STIP1: variants seen among roughly 807,000 people sequenced by gnomAD.
STIP1 encodes the protein stress induced phosphoprotein 1.
A neutral mutation model predicts 77.4 loss-of-function variants in STIP1; 16 were observed. The ratio of observed to expected loss-of-function variants is 0.21; its 90% confidence interval spans 0.14 to 0.31. The LOEUF is 0.31. Among genes scored for constraint, STIP1 ranks in the 10% least tolerant of loss-of-function variants. STIP1 has a pLI of 1.00. For missense variants in STIP1, 524 were observed against 684.8 expected (o/e 0.77, Z 2.62); for synonymous variants, 258 against 246.6 (o/e 1.05, Z -0.44).
intron 1 of STIP1, chr11:64,186,521 G>A (rs1031589763): frequency 9.2e-6 from 3 of 324,958 alleles, no homozygotes; most frequent in Non-Finnish European, 5.4e-6. Flanking sequence ...CCACAGCTTG[G>A]GTGAGTCCGG....
chr11:64,197,204 G>C, intron 5 of STIP1, 67 bp from the exon 6 acceptor site: 1 of 1,597,650 alleles, frequency 6.3e-7, no homozygotes, highest in Non-Finnish European at 8.5e-7. Flanking sequence ...ACTTGTGACA[G>C]ATCATAGATT....
At chr11:64,190,319 A>G (rs1424977217) in intron 1 of STIP1, among the ~76,000 whole-genome samples, 3 of 152,122 alleles carry the variant, frequency 2.0e-5, no homozygotes, top group African/African-American at 4.8e-5. Context: ...GATTACAGGC[A>G]TGCACCACCA....
At chr11:64,195,303 G>A (rs1358373979) in intron 4 of STIP1, among the ~76,000 whole-genome samples, 3 of 151,882 alleles carry the variant, frequency 2.0e-5, no homozygotes, top group South Asian at 2.1e-4. Context: ...TAGTAGTAGC[G>A]GTGGGTTTCA....
intron 1 of STIP1, 62 bp from the exon 2 acceptor site, chr11:64,193,016 T>A: frequency 6.7e-7 from 1 of 1,501,216 alleles, no homozygotes; most frequent in South Asian, 1.2e-5. Context: ...ATGAGTGTTG[T>A]CTTTAAAGCT....
chr11:64,201,565 C>G (rs2134809049), intron 10 of STIP1, among the ~76,000 whole-genome samples: 1 of 152,228 alleles, frequency 6.6e-6, no homozygotes, highest in African/African-American at 2.4e-5. Context: ...CAAACCTGGA[C>G]CGTATTGTGG....
At chr11:64,195,932 G>C in intron 5 of STIP1, 119 bp downstream of exon 5, 1 of 1,412,898 alleles carries the variant, frequency 7.1e-7, no homozygotes. Context: ...TTTAGAGACG[G>C]AGTCTTGCTG....
chr11:64,187,576 T>TA (rs1258009730), intron 1 of STIP1, among the ~76,000 whole-genome samples: 8 of 152,182 alleles, frequency 5.3e-5, no homozygotes, highest in Non-Finnish European at 1.0e-4. Context: ...CTTGCTGTAT[T>TA]AAAAAGAGTG....
Position 64,197,474 on chromosome 11 carries a change from T to G in STIP1, c.800-19T>G. ...GAAGCAAAGACTGACTGTTCCTTCT[T>G]AACCATCCTGCCTGGCAGCGGTATA... On this transcript the variant is annotated intron_variant, in intron 6 of 13. Coordinates refer to ENST00000305218, the MANE Select transcript of STIP1 (RefSeq NM_006819.3). 1 of 1,614,116 alleles carries G rather than the reference T, an allele frequency of 6.2e-7. No homozygotes were observed. The highest frequency in any genetic ancestry group is 8.5e-7 in the Non-Finnish European group (1 of 1,180,020).
In STIP1 at chr11:64,199,258, A is replaced by G. The variant is rs533054354; in HGVS notation, c.1024-682A>G. ...AGTGGCTCACGCCTGCGATCCCAGC[A>G]CTTTGGGAGGCCGAGGTGGGCGGAT... is the stretch of plus-strand genomic sequence containing the variant. On this transcript the variant is annotated intron_variant, in intron 8 of 13. Transcript: ENST00000305218. Among the ~76,000 whole-genome samples, 3 of 151,186 alleles carry G rather than the reference A, an allele frequency of 2.0e-5. No homozygotes were observed. The East Asian group carries it at 6.0e-4, about 30-fold the overall frequency.
At chr11:64,191,335 C>G (rs1024512859) in intron 1 of STIP1, among the ~76,000 whole-genome samples, 1 of 151,746 alleles carries the variant, frequency 6.6e-6, no homozygotes, top group South Asian at 2.1e-4. Flanking sequence ...TGGCCAGGCG[C>G]GGTGGCTCAC....
chr11:64,191,115 A>T (rs926901868), intron 1 of STIP1, among the ~76,000 whole-genome samples: 5 of 148,958 alleles, frequency 3.4e-5, no homozygotes, highest in Admixed American at 6.8e-5. Context: ...TGAACCTGGG[A>T]GGCAGAGGTT....
intron 1 of STIP1, among the ~76,000 whole-genome samples, chr11:64,191,290 C>T (rs1044111930): frequency 6.6e-6 from 1 of 150,826 alleles, no homozygotes; most frequent in African/African-American, 2.4e-5. Context: ...AGGCTGGTAA[C>T]AGAGTGAGAT....
intron 5 of STIP1, 64 bp downstream of exon 5, chr11:64,195,877 T>A: frequency 1.2e-6 from 2 of 1,601,562 alleles, no homozygotes; most frequent in Non-Finnish European, 1.7e-6. Context: ...TTATGTTGAA[T>A]GGGGACATCT....
At position 64,186,212 on chromosome 11, in the gene STIP1, A is replaced by T. The variant is rs1946012864; in HGVS notation, c.-50A>T. Reference sequence around the variant, plus strand: ...CAGAAGGCGGCGCGTGCGGTTGGGAACGCGGAGCGGACGGATTCGATTCAA... The same window carrying T: ...CAGAAGGCGGCGCGTGCGGTTGGGATCGCGGAGCGGACGGATTCGATTCAA... On this transcript the variant is annotated 5_prime_UTR_variant, in exon 1 of 14. Transcript: ENST00000305218. 6.5e-7 allele frequency: 1 copy of T among 1,550,348 alleles called. No homozygotes were observed. The highest frequency in any genetic ancestry group is 1.4e-5 in the African/African-American group (1 of 72,934).
Position 64,201,497 on chromosome 11 carries a change from C to T in STIP1, c.1245+1204C>T, listed in dbSNP as rs1435951732. Among the ~76,000 whole-genome samples, 4 of 152,206 alleles carry T rather than the reference C, an allele frequency of 2.6e-5. No individual in the cohort carries two copies. In the South Asian group the frequency reaches 6.2e-4, roughly 24 times the overall value. On this transcript the variant is annotated intron_variant, in intron 10 of 13. Coordinates refer to ENST00000305218, the MANE Select transcript of STIP1 (RefSeq NM_006819.3). The stretch of plus-strand genomic sequence containing the variant: ...GACACTGTGGAGTTCCCATAATCCT[C>T]TCGAATCTCAGCCACCCTGCCTCTA...
At chr11:64,197,092 GTTT>G (rs2134798861) in intron 5 of STIP1, 176 bp from the exon 6 acceptor site, 1 of 773,914 alleles carries the variant, frequency 1.3e-6, no homozygotes, top group East Asian at 2.7e-5. Flanking sequence ...GATGAAGTTA[GTTT>G]TCATTCTAAC....
intron 1 of STIP1, among the ~76,000 whole-genome samples, chr11:64,189,525 CA>C (rs35227357): frequency 3.6e-4 from 51 of 139,924 alleles, no homozygotes; most frequent in African/African-American, 2.9e-4. Flanking sequence ...ACTGCATCTC[CA>C]AAAAAAAAAA....
chr11:64,197,108 C>T, intron 5 of STIP1, 163 bp from the exon 6 acceptor site: 1 of 861,700 alleles, frequency 1.2e-6, no homozygotes, highest in South Asian at 1.9e-5. Context: ...ATTCTAACGG[C>T]TGATACTTTA....
intron 10 of STIP1, among the ~76,000 whole-genome samples, chr11:64,200,694 A>G (rs907432748): frequency 4.0e-5 from 6 of 151,828 alleles, no homozygotes; most frequent in Non-Finnish European, 7.4e-5. Context: ...TTGGCAGTAC[A>G]TTGGAAGGTG....
Sources: allele counts gnomAD v4.1 joint callset (sites outside exome capture counted in the v4.1 genomes callset), GRCh38; gene constraint gnomAD v4.1.1; transcripts MANE v1.5; gene names NCBI Gene and HGNC (gene_info 2026-07-23, HGNC 2026-07-21).